Variants in BLMH observed in about 807,000 individuals in gnomAD.
BLMH encodes the protein BLM hydrolase.
A neutral mutation model predicts 61.6 loss-of-function variants in BLMH; 32 were observed. The ratio of observed to expected loss-of-function variants is 0.52; its 90% confidence interval spans 0.39 to 0.70. BLMH has a LOEUF of 0.70. Ranked by LOEUF, BLMH falls within the 30% of genes least tolerant of loss-of-function variation. The pLI is 0.00. For synonymous variants in BLMH, 183 were observed against 193.8 expected, an observed-to-expected ratio of 0.94 and a Z score of 0.46; for missense variants, 460 against 555.5, an observed-to-expected ratio of 0.83 and a Z score of 1.73.
intron 5 of BLMH, 24 bp from the exon 6 acceptor site, chr17:30,285,504 C>G (rs1178625866): frequency 6.4e-7 from 1 of 1,562,508 alleles, no homozygotes; most frequent in East Asian, 2.3e-5. Flanking sequence ...TTATTCAGCA[C>G]TCCAACAGTT....
At chr17:30,280,225 A>G (rs1005622407) in intron 6 of BLMH, among the ~76,000 whole-genome samples, 1 of 152,200 alleles carries the variant, frequency 6.6e-6, no homozygotes, top group Non-Finnish European at 1.5e-5. Context: ...CTCATTGCCT[A>G]TTGAATTGGG....
chr17:30,281,258 A>C (rs2143029558), intron 6 of BLMH, among the ~76,000 whole-genome samples: 1 of 152,218 alleles, frequency 6.6e-6, no homozygotes, highest in Middle Eastern at 3.4e-3. Context: ...ATGATAACTA[A>C]TAGTTAAATA....
intron 7 of BLMH, 119 bp from the exon 8 acceptor site, chr17:30,273,018 C>CT: frequency 9.1e-7 from 1 of 1,099,800 alleles, no homozygotes; most frequent in Non-Finnish European, 1.3e-6. Flanking sequence ...AAGCTAAGTA[C>CT]TACAGCCACA....
intron 11 of BLMH, among the ~76,000 whole-genome samples, chr17:30,254,060 T>G (rs916319667): frequency 2.0e-5 from 3 of 152,170 alleles, no homozygotes; most frequent in Non-Finnish European, 4.4e-5. Flanking sequence ...AGAAAACTTT[T>G]TTTTCTGAAA....
chr17:30,255,725 A>C (rs1907794492), intron 11 of BLMH, among the ~76,000 whole-genome samples: 2 of 152,162 alleles, frequency 1.3e-5, no homozygotes, highest in East Asian at 3.9e-4. Context: ...GGTAAAACCC[A>C]TCTCTACTAA....
chr17:30,274,273 A>G, intron 6 of BLMH, 76 bp from the exon 7 acceptor site: 1 of 1,489,456 alleles, frequency 6.7e-7, no homozygotes, highest in Non-Finnish European at 9.0e-7. Context: ...ATTTTCCTTA[A>G]GCTTAGGAAA....
Position 30,274,064 on chromosome 17 carries a change from G to A in BLMH, c.779C>T (p.Pro260Leu). The change falls in exon 7 of 12, where the codon CCA becomes CTA. Residue 260 changes from proline (P) to leucine (L), a missense_variant. Physicochemically the swap from Pro to Leu is moderately conservative, Grantham distance 98. Coordinates refer to ENST00000261714, the MANE Select transcript of BLMH (RefSeq NM_000386.4). ...AACCTTATCTTCCATATTGAAGAGT[G>A]GCTTGACATGTTCCCTGTAAAACTC... ...PLEFYREHVK[P>L]LFNMEDKICL... 6.2e-7 allele frequency: 1 copy of A among 1,614,112 alleles called. No homozygotes were observed.
At chr17:30,287,030 T>C (rs1908752155) in intron 4 of BLMH, 128 bp from the exon 5 acceptor site, 1 of 649,266 alleles carries the variant, frequency 1.5e-6, no homozygotes, top group Non-Finnish European at 2.6e-6. Flanking sequence ...CTTCATATTA[T>C]GAAGCAGGGT....
chr17:30,288,669 A>C (rs1184620411), intron 3 of BLMH, among the ~76,000 whole-genome samples: 1 of 152,064 alleles, frequency 6.6e-6, no homozygotes, highest in Non-Finnish European at 1.5e-5. Flanking sequence ...TTTGAAGATT[A>C]GGAAATGGAA....
chr17:30,260,915 C>T (rs1467323857), intron 11 of BLMH, among the ~76,000 whole-genome samples: 1 of 151,954 alleles, frequency 6.6e-6, no homozygotes, highest in African/African-American at 2.4e-5. Context: ...AACAAAAAGC[C>T]CTTATCAAAG....
At chr17:30,274,298 G>C in intron 6 of BLMH, 101 bp from the exon 7 acceptor site, 1 of 1,350,140 alleles carries the variant, frequency 7.4e-7, no homozygotes, top group African/African-American at 1.5e-5. Flanking sequence ...AGAAGTTAGT[G>C]GCTAAATTCA....
intron 10 of BLMH, among the ~76,000 whole-genome samples, chr17:30,269,382 T>C (rs116144746): frequency 0.011 from 1,721 of 152,018 alleles, 27 homozygotes; most frequent in African/African-American, 0.04. Context: ...GGTCTCGCCA[T>C]GTCGGTCAGG....
chr17:30,282,288 A>G (rs948666561), intron 6 of BLMH, among the ~76,000 whole-genome samples: 1 of 149,500 alleles, frequency 6.7e-6, no homozygotes, highest in Non-Finnish European at 1.5e-5. Flanking sequence ...CAGTGGCACA[A>G]TTTTGGTCTC....
intron 10 of BLMH, among the ~76,000 whole-genome samples, chr17:30,269,542 T>A (rs1419260663): frequency 6.6e-6 from 1 of 152,160 alleles, no homozygotes; most frequent in Admixed American, 6.5e-5. Flanking sequence ...AGAATTTTGT[T>A]AAATTGGGGT....
At chr17:30,272,522 C>T (rs1360118532) in intron 9 of BLMH, 39 bp downstream of exon 9, 1 of 1,609,832 alleles carries the variant, frequency 6.2e-7, no homozygotes, top group African/African-American at 1.3e-5. Context: ...ACAGCAACAA[C>T]CCACAAATGA....
At chr17:30,284,996 A>G (rs79340182) in intron 6 of BLMH, among the ~76,000 whole-genome samples, 1,901 of 152,322 alleles carry the variant, frequency 0.012, 11 homozygotes, top group Non-Finnish European at 0.02. Flanking sequence ...TATGACCACC[A>G]AATCAGTTTT....
chr17:30,263,632 GTCC>G (rs1265880902), intron 11 of BLMH, among the ~76,000 whole-genome samples: 1 of 152,174 alleles, frequency 6.6e-6, no homozygotes, highest in Non-Finnish European at 1.5e-5. Context: ...CTCCTTTTAT[GTCC>G]TCCTGCTCAG....
chr17:30,273,165 A>ATTTT (rs35833844), intron 7 of BLMH: 10 of 193,558 alleles, frequency 5.2e-5, no homozygotes, highest in Non-Finnish European at 7.1e-5. Context: ...TCCAAAAGCA[A>ATTTT]TTTTTTTTTT....
At chr17:30,282,822 G>A (rs1022198838) in intron 6 of BLMH, among the ~76,000 whole-genome samples, 18 of 152,208 alleles carry the variant, frequency 1.2e-4, no homozygotes, top group African/African-American at 4.3e-4. Context: ...CAAAGAGTCA[G>A]GTTCAATGAA....
Sources: gnomAD v4.1 joint callset for allele counts (sites outside exome capture counted in the v4.1 genomes callset) on GRCh38, gnomAD v4.1.1 for gene constraint, MANE v1.5 for transcripts, NCBI Gene and HGNC (gene_info 2026-07-23, HGNC 2026-07-21) for gene names.